Variants in RPAP3 observed in about 807,000 individuals in gnomAD.
RPAP3 encodes the protein RNA polymerase II associated protein 3.
RPAP3 carries 58 observed loss-of-function variants against 88.8 expected under a neutral mutation model. That is an observed-to-expected ratio of 0.65 (90% CI 0.53 to 0.81). The LOEUF is 0.81. RPAP3 is among the 40% of genes least tolerant of loss of function. RPAP3 has a pLI of 0.00. For synonymous variants in RPAP3, 255 were observed against 259.9 expected (o/e 0.98, Z 0.18); for missense variants, 751 against 764.3 (o/e 0.98, Z 0.20).
In RPAP3 at chr12:47,663,259, CAT is replaced by C. The variant is rs1938795815; in HGVS notation, c.*244_*245del. 6.7e-6 allele frequency: 2 copies of C among 296,820 alleles called. No individual in the cohort carries two copies. Among genetic ancestry groups the C allele is most frequent in the Non-Finnish European group, 1.2e-5 (2 of 162,892 alleles). 18.4% of individuals were successfully genotyped at this position (296,820 alleles called of 1,614,324 possible). A position where few individuals can be genotyped will look rare whatever the true frequency, so the allele number is the denominator to read the frequency against. On this transcript the variant is annotated 3_prime_UTR_variant, in exon 17 of 17. Transcript: ENST00000005386. ...TCTAAATTTAACATTTAAAATGACT[CAT>C]AAAATAAAATGCTGATCCTTACAAA...
At chr12:47,696,064 A>G (rs914750436) in intron 5 of RPAP3, 1 of 359,302 alleles carries the variant, frequency 2.8e-6, no homozygotes, top group Non-Finnish European at 4.9e-6. Context: ...CAGTAAAGTG[A>G]GCTATGGGAA....
Position 47,686,745 on chromosome 12 carries a change from A to T in RPAP3, c.992+35T>A, listed in dbSNP as rs369090321. On this transcript the variant is annotated intron_variant, in intron 9 of 16. Transcript: ENST00000005386. ...ATTTACCAATTTATTGTAAATTTTT[A>T]TCCTGAACAGCACTAAAATGTAACC... 6.6e-5 allele frequency: 94 copies of T among 1,424,424 alleles called. No individual in the cohort carries two copies. The African/African-American group carries it at 1.3e-3, about 19-fold the overall frequency. The allele number at this position is 1,424,424 out of a possible 1,614,324, so 88.2% of individuals were successfully genotyped here.
In RPAP3 at chr12:47,701,482, T is replaced by C. The variant is rs1480040502; in HGVS notation, c.276A>G (p.Ala92=). The C allele has an allele frequency of 1.3e-6, 2 of 1,577,488 alleles. No individual in the cohort carries two copies. Among genetic ancestry groups the C allele is most frequent in the Non-Finnish European group, 1.7e-6 (2 of 1,165,600 alleles). Residue 92 remains alanine, a synonymous_variant, in exon 3 of 17, where the codon GCA becomes GCG. Coordinates refer to ENST00000005386, the MANE Select transcript of RPAP3 (RefSeq NM_024604.3). ...KNRIKSYDYE[A]WAKLDVDRIL... ...AACTTACCACATCAAGTTTTGCCCA[T>C]GCCTCATAATCATAAGATTTTATCC...
chr12:47,687,470 G>A (rs1464178434), intron 8 of RPAP3, among the ~76,000 whole-genome samples: 1 of 151,908 alleles, frequency 6.6e-6, no homozygotes, highest in East Asian at 1.9e-4. Context: ...ATCCTCTGTG[G>A]GTCCAGGAAA....
chr12:47,673,421 G>A (rs2136613195), intron 12 of RPAP3, among the ~76,000 whole-genome samples: 1 of 138,294 alleles, frequency 7.2e-6, no homozygotes, highest in South Asian at 2.2e-4. Context: ...CCAGCCTGGG[G>A]GACAAAGAGT....
Position 47,689,803 on chromosome 12 carries a change from A to G in RPAP3, c.668-608T>C, listed in dbSNP as rs963049350. Reference sequence around the variant, plus strand: ...ACTCCTGTAATCCCAGCACTTTGGGAGGCCGAGGTGGGCAGATCACCTGAA... The same window carrying G: ...ACTCCTGTAATCCCAGCACTTTGGGGGGCCGAGGTGGGCAGATCACCTGAA... On this transcript the variant is annotated intron_variant, in intron 6 of 16. Transcript: ENST00000005386. 2.6e-5 allele frequency among the ~76,000 whole-genome samples: 4 copies of G among 152,216 alleles called. 1 individual carries two copies. The highest frequency in any genetic ancestry group is 9.6e-5 in the African/African-American group (4 of 41,456).
At chr12:47,696,909 A>G (rs1400605379) in intron 4 of RPAP3, among the ~76,000 whole-genome samples, 1 of 152,236 alleles carries the variant, frequency 6.6e-6, no homozygotes, top group East Asian at 1.9e-4. Flanking sequence ...TTTTTACTGC[A>G]TGAGGCACTG....
chr12:47,698,263 A>G (rs912364663), intron 3 of RPAP3, among the ~76,000 whole-genome samples: 2 of 152,070 alleles, frequency 1.3e-5, no homozygotes, highest in African/African-American at 4.8e-5. Context: ...AACTCATTCA[A>G]GGTCACTCAG....
chr12:47,694,260 G>A (rs1028595539), intron 5 of RPAP3, among the ~76,000 whole-genome samples: 2 of 152,188 alleles, frequency 1.3e-5, no homozygotes, highest in African/African-American at 4.8e-5. Flanking sequence ...GAACAGAGAT[G>A]AGAAAGTGAT....
intron 14 of RPAP3, 67 bp from the exon 15 acceptor site, chr12:47,667,918 T>G: frequency 9.9e-7 from 1 of 1,006,582 alleles, no homozygotes; most frequent in South Asian, 1.5e-5. Context: ...TACACAACAA[T>G]TGCTTGGGTA....
At position 47,701,607 on chromosome 12, in the gene RPAP3, A is replaced by G; in HGVS notation, c.154-3T>C. ...CCATTTCGAATAGGAGGTAAATTCTAAGGAGGGAAAAAAAAACACAAAGTT... is the reference window on the plus strand; with the variant it reads ...CCATTTCGAATAGGAGGTAAATTCTGAGGAGGGAAAAAAAAACACAAAGTT... On this transcript the variant is annotated splice_polypyrimidine_tract_variant and splice_region_variant and intron_variant, in intron 2 of 16. Transcript: ENST00000005386. 1 of 1,573,896 alleles carries G rather than the reference A, an allele frequency of 6.4e-7. No individual in the cohort carries two copies. The highest frequency in any genetic ancestry group is 8.6e-7 in the Non-Finnish European group (1 of 1,164,510).
At chr12:47,677,389 C>T (rs1015690895) in intron 12 of RPAP3, among the ~76,000 whole-genome samples, 4 of 152,064 alleles carry the variant, frequency 2.6e-5, no homozygotes, top group Admixed American at 6.6e-5. Context: ...GAAGTTCTGG[C>T]CAGGGCAATC....
intron 9 of RPAP3, among the ~76,000 whole-genome samples, chr12:47,686,545 T>TACACATACACACACACACACAC (rs57271770): frequency 2.7e-4 from 39 of 145,346 alleles, no homozygotes; most frequent in East Asian, 4.1e-4. Context: ...CACATACACA[T>TACACATACACACACACACACAC]ACACACACAC....
intron 16 of RPAP3, among the ~76,000 whole-genome samples, chr12:47,665,661 G>C (rs1337073302): frequency 2.0e-5 from 3 of 151,022 alleles, no homozygotes; most frequent in Non-Finnish European, 4.4e-5. Context: ...ATTTATTTGA[G>C]ACAGAGTCTC....
Position 47,697,630 on chromosome 12 carries a change from T to A in RPAP3, c.384A>T (p.Val128=). Residue 128 remains valine, a synonymous_variant, in exon 4 of 17, where the codon GTA becomes GTT. Transcript: ENST00000005386. ...ESESEEDGIH[V]DSQKALVLKE... is the part of the protein sequence containing the mutation. ...TTAAAACAAGAGCCTTTTGTGAATC[T>A]ACATGAATCCCATCTTCTTCCGACT... 1 of 1,610,204 alleles carries A rather than the reference T, an allele frequency of 6.2e-7. No individual in the cohort carries two copies. Among genetic ancestry groups the A allele is most frequent in the Non-Finnish European group, 8.5e-7 (1 of 1,178,642 alleles).
intron 2 of RPAP3, among the ~76,000 whole-genome samples, chr12:47,702,426 C>T (rs7302276): frequency 0.2 from 29,949 of 151,502 alleles, 3,007 homozygotes; most frequent in African/African-American, 0.26. Context: ...TGGTGGTGCA[C>T]GCCTGTAGTC....
chr12:47,693,840 C>T (rs1474007544), intron 5 of RPAP3, among the ~76,000 whole-genome samples: 8 of 152,126 alleles, frequency 5.3e-5, no homozygotes, highest in South Asian at 2.1e-4. Flanking sequence ...AAGGTGACTA[C>T]GAGAGACCAA....
intron 10 of RPAP3, among the ~76,000 whole-genome samples, chr12:47,680,358 A>G (rs1386798216): frequency 6.6e-6 from 1 of 152,144 alleles, no homozygotes; most frequent in Admixed American, 6.6e-5. Context: ...ATGATGACAA[A>G]GTTCTGGTGA....
chr12:47,704,371 TTTTG>T (rs1387832115), intron 1 of RPAP3, among the ~76,000 whole-genome samples: 1 of 151,888 alleles, frequency 6.6e-6, no homozygotes, highest in Admixed American at 6.6e-5. Context: ...TATTCAGAGT[TTTTG>T]TTTTTTTTCT....
Sources: allele counts gnomAD v4.1 joint callset (sites outside exome capture counted in the v4.1 genomes callset), GRCh38; gene constraint gnomAD v4.1.1; transcripts MANE v1.5; gene names NCBI Gene and HGNC (gene_info 2026-07-23, HGNC 2026-07-21).